The following VPS13B variants were observed in gnomAD, a reference collection of about 807,000 sequenced individuals.
The protein encoded by VPS13B is intermembrane lipid transfer protein VPS13B.
VPS13B carries 285 observed loss-of-function variants against 426.4 expected under a neutral mutation model. That is an observed-to-expected ratio of 0.67 (90% CI 0.61 to 0.74). VPS13B has a LOEUF of 0.74. Ranked by LOEUF, VPS13B falls within the 30% of genes least tolerant of loss-of-function variation. The probability of loss-of-function intolerance (pLI) is 0.00; values close to 1 mark genes in which losing one functional copy is unlikely to be tolerated. For synonymous variants in VPS13B, 1,676 were observed against 1,676.4 expected (o/e 1.00, Z 0.01); for missense variants, 4,537 against 4,782.6 (o/e 0.95, Z 1.51).
At chr8:99,815,857 G>T (rs1289796470) in intron 44 of VPS13B, among the ~76,000 whole-genome samples, 1 of 152,004 alleles carries the variant, frequency 6.6e-6, no homozygotes, top group Non-Finnish European at 1.5e-5. Context: ...GTAGAAATAG[G>T]GTCTTGCTCT....
At chr8:99,527,728 A>G (rs1266115229) in intron 30 of VPS13B, 1 of 152,176 alleles carries the variant, frequency 6.6e-6, no homozygotes, top group African/African-American at 2.4e-5. Flanking sequence ...ACCTGTGGTG[A>G]AAGTGTTTTT....
chr8:99,182,584 A>G (rs1286652380), intron 16 of VPS13B, among the ~76,000 whole-genome samples: 1 of 152,204 alleles, frequency 6.6e-6, no homozygotes, highest in Admixed American at 6.5e-5. Context: ...TGAGTTAGCA[A>G]CTAATGATAT....
chr8:99,403,908 A>G (rs1221429078), intron 21 of VPS13B, among the ~76,000 whole-genome samples: 2 of 152,248 alleles, frequency 1.3e-5, no homozygotes, highest in Non-Finnish European at 2.9e-5. Context: ...GAACGGGGGA[A>G]AAATCTGGAA....
At chr8:99,500,268 A>G (rs557138426) in intron 25 of VPS13B, among the ~76,000 whole-genome samples, 4 of 152,280 alleles carry the variant, frequency 2.6e-5, no homozygotes, top group Admixed American at 1.3e-4. Context: ...TGAGACATTC[A>G]AAGCAATAAA....
intron 56 of VPS13B, among the ~76,000 whole-genome samples, chr8:99,856,578 C>T (rs1012945607): frequency 2.0e-5 from 3 of 152,232 alleles, no homozygotes; most frequent in African/African-American, 7.2e-5. Context: ...CAGTGGCTCA[C>T]GCCTGTAATC....
At chr8:99,260,190 G>A (rs1817970831) in intron 17 of VPS13B, among the ~76,000 whole-genome samples, 1 of 152,108 alleles carries the variant, frequency 6.6e-6, no homozygotes. Context: ...ATTGAAAATA[G>A]AGATGATATG....
rs60313947 is a variant in VPS13B at position 99,201,309 on chromosome 8, A to G, written c.2515+8252A>G. Reference sequence around the variant, plus strand: ...ACCATTTCTTTCATTATAAATTGTGATTTATTAGCGAGTTTTGAAATCAAC... The same window carrying G: ...ACCATTTCTTTCATTATAAATTGTGGTTTATTAGCGAGTTTTGAAATCAAC... On this transcript the variant is annotated intron_variant, in intron 17 of 61. Coordinates refer to ENST00000357162, the MANE Select transcript of VPS13B (RefSeq NM_152564.5). 1.9e-4 allele frequency among the ~76,000 whole-genome samples: 29 copies of G among 152,160 alleles called. No individual in the cohort carries two copies. The East Asian group carries it at 5.6e-3, about 29-fold the overall frequency.
intron 61 of VPS13B, among the ~76,000 whole-genome samples, chr8:99,872,063 G>A (rs542066772): frequency 5.3e-4 from 80 of 152,336 alleles, no homozygotes; most frequent in African/African-American, 1.9e-3. Flanking sequence ...GGTTGGTTCA[G>A]GAAGGGCCAG....
chr8:99,416,702 G>C (rs1816032735), intron 21 of VPS13B, among the ~76,000 whole-genome samples: 1 of 152,108 alleles, frequency 6.6e-6, no homozygotes, highest in African/African-American at 2.4e-5. Context: ...CTTCCTGAGT[G>C]AGGCGATGCC....
At chr8:99,818,975 A>AGGGGGGGG in intron 47 of VPS13B, 87 bp downstream of exon 47, 4 of 133,534 alleles carry the variant, frequency 3.0e-5, no homozygotes, top group East Asian at 2.5e-4. Context: ...GCGGCGGGGG[A>AGGGGGGGG]GGGGTGGGTA....
chr8:99,868,423 C>A lies in VPS13B; in HGVS notation c.11350C>A (p.Pro3784Thr). Residue 3784 changes from proline to threonine, a missense_variant, in exon 59 of 62, where the codon CCC becomes ACC. By Grantham distance (38) the Pro-to-Thr change is conservative. Coordinates refer to ENST00000357162, the MANE Select transcript of VPS13B (RefSeq NM_152564.5). ...GKGIMGVFTK[P>T]IGGAAELVSQ... is the part of the protein sequence containing the mutation. ...AGGAATCATGGGGGTGTTCACAAAG[C>A]CCATCGGAGGAGCTGCTGAGCTGGT... 6.2e-7 allele frequency: 1 copy of A among 1,613,954 alleles called. No homozygotes were observed. The highest frequency in any genetic ancestry group is 8.5e-7 in the Non-Finnish European group (1 of 1,179,962).
intron 21 of VPS13B, among the ~76,000 whole-genome samples, chr8:99,430,036 G>A (rs554721885): frequency 8.6e-5 from 13 of 152,008 alleles, no homozygotes; most frequent in Admixed American, 1.3e-4. Flanking sequence ...TCAGACATTC[G>A]TTGTTTTTGT....
chr8:99,313,776 C>T (rs971127004), intron 19 of VPS13B, among the ~76,000 whole-genome samples: 2 of 152,200 alleles, frequency 1.3e-5, no homozygotes, highest in East Asian at 3.9e-4. Flanking sequence ...GTGGAGTCTA[C>T]AGAGTCACGC....
At chr8:99,349,163 C>G (rs898678685) in intron 19 of VPS13B, among the ~76,000 whole-genome samples, 1 of 149,018 alleles carries the variant, frequency 6.7e-6, no homozygotes, top group Non-Finnish European at 1.5e-5. Context: ...GAAACCCCGT[C>G]TCTACTAAAA....
chr8:99,848,720 A>T, intron 54 of VPS13B, 56 bp from the exon 55 acceptor site: 1 of 1,533,790 alleles, frequency 6.5e-7, no homozygotes, highest in South Asian at 1.1e-5. Context: ...AAGTCAAGCC[A>T]CTTCAATAGT....
chr8:99,156,724 A>G lies in VPS13B; in HGVS notation c.2189A>G (p.Tyr730Cys), dbSNP rs561369703. Reference protein sequence around the residue: ...QPSDNLLHYCYVHCYLKIFGF... With the variant: ...QPSDNLLHYCCVHCYLKIFGF... ...TCTGATAACCTGCTTCATTATTGTT[A>G]TGTACACTGCTATCTTAAGGTATGA... is the stretch of plus-strand genomic sequence containing the variant. The change falls in exon 15 of 62, where the codon TAT becomes TGT. Residue 730 changes from tyrosine (Y) to cysteine (C), a missense_variant. This residue lies in a region of VPS13B where 4,311 missense variants were observed against 4,474.3 expected (regional missense o/e 0.96). Transcript: ENST00000357162. The G allele has an allele frequency of 5.9e-5, 95 of 1,613,984 alleles. 2 individuals carry two copies. The South Asian group carries it at 1.0e-3, about 17-fold the overall frequency.
chr8:99,056,299 G>A (rs1169164392), intron 3 of VPS13B, among the ~76,000 whole-genome samples: 2 of 152,004 alleles, frequency 1.3e-5, no homozygotes, highest in African/African-American at 2.4e-5. Context: ...GGGCTCAAGC[G>A]ATCTGCCTGC....
chr8:99,375,637 C>T (rs546014501), intron 19 of VPS13B, among the ~76,000 whole-genome samples: 62 of 152,308 alleles, frequency 4.1e-4, no homozygotes, highest in African/African-American at 1.4e-3. Context: ...TGCCTTTATA[C>T]ATTACCTTTG....
At chr8:99,651,240 GATAATT>G (rs1478925638) in intron 34 of VPS13B, among the ~76,000 whole-genome samples, 6 of 152,022 alleles carry the variant, frequency 3.9e-5, no homozygotes, top group Admixed American at 3.9e-4. Context: ...TTAAAAGTAT[GATAATT>G]ATAATTTTGA....
Sources: allele counts gnomAD v4.1 joint callset (sites outside exome capture counted in the v4.1 genomes callset), GRCh38; gene constraint gnomAD v4.1.1; regional missense constraint gnomAD v4.1.1; transcripts MANE v1.5; gene names NCBI Gene and HGNC (gene_info 2026-07-23, HGNC 2026-07-21).